Variants in ATP8A2 observed in about 807,000 individuals in gnomAD.
ATP8A2 encodes phospholipid-transporting ATPase IB.
In ATP8A2, 100 loss-of-function variants were observed where a neutral mutation model predicts 165.6. The ratio of observed to expected loss-of-function variants is 0.60; its 90% CI spans 0.51 to 0.71. The LOEUF (loss-of-function observed/expected upper bound fraction) is 0.71. ATP8A2 is among the 30% of genes least tolerant of loss of function. The probability of loss-of-function intolerance (pLI) is 0.00; values close to 1 mark genes in which losing one functional copy is unlikely to be tolerated. For synonymous variants in ATP8A2, 543 were observed against 548.8 expected (o/e 0.99, Z 0.15); for missense variants, 1,227 against 1,479.5 (o/e 0.83, Z 2.80).
At chr13:25,903,704 C>T (rs1953838931) in intron 33 of ATP8A2, among the ~76,000 whole-genome samples, 1 of 152,216 alleles carries the variant, frequency 6.6e-6, no homozygotes, top group South Asian at 2.1e-4. Context: ...GCCCTCAGCC[C>T]TCTCGAGGGG....
At chr13:25,482,896 T>G (rs577912343) in intron 2 of ATP8A2, among the ~76,000 whole-genome samples, 1 of 152,336 alleles carries the variant, frequency 6.6e-6, no homozygotes, top group Non-Finnish European at 1.5e-5. Context: ...TAATTCCAAT[T>G]AAACCTCTTT....
At chr13:25,695,237 G>A (rs1169952619) in intron 24 of ATP8A2, among the ~76,000 whole-genome samples, 1 of 151,704 alleles carries the variant, frequency 6.6e-6, no homozygotes, top group Non-Finnish European at 1.5e-5. Flanking sequence ...CCCAATGTGT[G>A]TGCCTTAATT....
At position 25,581,886 on chromosome 13, in the gene ATP8A2, C is replaced by A. The variant is rs1240852879; in HGVS notation, c.2075C>A (p.Ala692Glu). 5 of 1,613,848 alleles carry A rather than the reference C, an allele frequency of 3.1e-6. No homozygotes were observed. Among genetic ancestry groups the A allele is most frequent in the Non-Finnish European group, 4.2e-6 (5 of 1,179,800 alleles). ...RLQAGVPETI[A>E]TLLKAEIKIW... ...CAAGCAGGAGTTCCAGAAACCATCG[C>A]AACACTGTTGAAGGCAGAAATTAAA... The change falls in exon 23 of 37, where the codon GCA becomes GAA. Residue 692 changes from alanine (A) to glutamate (E), a missense_variant. By Grantham distance (107) the Ala-to-Glu change is moderately radical. Transcript: ENST00000381655.
At chr13:25,724,962 C>T (rs1407704429) in intron 25 of ATP8A2, among the ~76,000 whole-genome samples, 1 of 152,170 alleles carries the variant, frequency 6.6e-6, no homozygotes, top group Admixed American at 6.5e-5. Flanking sequence ...GATTGAAATA[C>T]TATGTGTCAG....
intron 35 of ATP8A2, among the ~76,000 whole-genome samples, chr13:26,004,271 T>G (rs1956696857): frequency 6.6e-6 from 1 of 152,086 alleles, no homozygotes; most frequent in African/African-American, 2.4e-5. Flanking sequence ...GTTGTTGTTG[T>G]GCTTGTAAAT....
chr13:25,887,627 C>T lies in ATP8A2; in HGVS notation c.3183+25219C>T, dbSNP rs538124655. ...TTGGGATTACAGGCGTGAGCCACAGCGCCAGGCCCCTCAGTCCAACTTTTA... is the reference window on the plus strand; with the variant it reads ...TTGGGATTACAGGCGTGAGCCACAGTGCCAGGCCCCTCAGTCCAACTTTTA... On this transcript the variant is annotated intron_variant, in intron 33 of 36. Transcript: ENST00000381655. Among the ~76,000 whole-genome samples, 16 of 152,266 alleles carry T rather than the reference C, an allele frequency of 1.1e-4. No individual in the cohort carries two copies. The South Asian group carries it at 1.9e-3, about 18-fold the overall frequency.
chr13:25,791,310 C>T (rs1288593955), intron 27 of ATP8A2, among the ~76,000 whole-genome samples: 2 of 152,082 alleles, frequency 1.3e-5, no homozygotes, highest in Non-Finnish European at 2.9e-5. Flanking sequence ...CACATGTTCT[C>T]AGTTAGCAGG....
At chr13:25,555,211 T>C (rs1431578953) in intron 13 of ATP8A2, 143 bp downstream of exon 13, 1 of 599,480 alleles carries the variant, frequency 1.7e-6, no homozygotes, top group East Asian at 2.8e-5. Flanking sequence ...ATAATACTTT[T>C]GAATGTGCCA....
intron 24 of ATP8A2, among the ~76,000 whole-genome samples, chr13:25,675,475 A>G (rs1000804341): frequency 6.6e-6 from 1 of 152,242 alleles, no homozygotes. Context: ...AAATACCTCC[A>G]GTTGTTTTCA....
Position 25,961,599 on chromosome 13 carries a change from C to A in ATP8A2, c.3208C>A (p.His1070Asn). 1 of 1,614,054 alleles carries A rather than the reference C, an allele frequency of 6.2e-7. No individual in the cohort carries two copies. Among genetic ancestry groups the A allele is most frequent in the East Asian group, 2.2e-5 (1 of 44,890 alleles). Residue 1070 changes from histidine to asparagine, a missense_variant, in exon 34 of 37, where the codon CAC (histidine) becomes AAC (asparagine). This residue lies in a region of ATP8A2 where 260 missense variants were observed against 245.1 expected (regional missense o/e 1.06). Transcript: ENST00000381655. Reference sequence around the variant, plus strand: ...GGCAACTATGGTCCTGAGCTCCGCACACTTCTGGTTGGGATTATTTCTGGT... The same window carrying A: ...GGCAACTATGGTCCTGAGCTCCGCAAACTTCTGGTTGGGATTATTTCTGGT... ...GQATMVLSSA[H>N]FWLGLFLVPT...
intron 30 of ATP8A2, among the ~76,000 whole-genome samples, chr13:25,844,006 T>C (rs574683347): frequency 6.6e-6 from 1 of 152,104 alleles, no homozygotes; most frequent in Non-Finnish European, 1.5e-5. Flanking sequence ...GAGAAACACA[T>C]AGGATCTGGC....
intron 30 of ATP8A2, among the ~76,000 whole-genome samples, chr13:25,850,146 G>C (rs9581466): frequency 6.6e-6 from 1 of 151,996 alleles, no homozygotes; most frequent in Non-Finnish European, 1.5e-5. Context: ...GTCTAGTTCC[G>C]GTAAATGCCA....
chr13:25,680,227 A>G (rs984019594), intron 24 of ATP8A2, among the ~76,000 whole-genome samples: 2 of 152,170 alleles, frequency 1.3e-5, no homozygotes, highest in African/African-American at 4.8e-5. Flanking sequence ...AGTTAAGATG[A>G]GTTCATAAGT....
intron 23 of ATP8A2, among the ~76,000 whole-genome samples, chr13:25,589,343 T>C (rs1270081464): frequency 2.0e-5 from 3 of 152,174 alleles, no homozygotes; most frequent in Non-Finnish European, 4.4e-5. Context: ...ACTGTTACTT[T>C]AGACGATCCA....
intron 35 of ATP8A2, among the ~76,000 whole-genome samples, chr13:25,980,545 C>G (rs1251232045): frequency 2.6e-5 from 4 of 152,128 alleles, no homozygotes; most frequent in African/African-American, 9.7e-5. Context: ...GGAGCCAGAT[C>G]ACACAGGCCT....
chr13:25,527,784 T>C (rs2037888785), intron 2 of ATP8A2, among the ~76,000 whole-genome samples: 1 of 152,180 alleles, frequency 6.6e-6, no homozygotes, highest in South Asian at 2.1e-4. Context: ...TGTAGGTCCT[T>C]AAGCACAGTC....
At chr13:25,521,363 G>A (rs1239317795) in intron 2 of ATP8A2, among the ~76,000 whole-genome samples, 3 of 152,096 alleles carry the variant, frequency 2.0e-5, no homozygotes, top group Non-Finnish European at 4.4e-5. Context: ...TCATTCTGCA[G>A]GAGGTTTTTA....
intron 28 of ATP8A2, among the ~76,000 whole-genome samples, chr13:25,833,607 G>A (rs1439370719): frequency 2.0e-5 from 3 of 152,104 alleles, no homozygotes; most frequent in Admixed American, 1.3e-4. Context: ...AGTGGGGAAA[G>A]TTTGGCCTCA....
At chr13:25,589,828 G>GTTTATA in intron 24 of ATP8A2, 129 bp downstream of exon 24, 1 of 570,192 alleles carries the variant, frequency 1.8e-6, no homozygotes, top group Non-Finnish European at 3.1e-6. Flanking sequence ...TTTATTTTCT[G>GTTTATA]TTTATATTTA....
Sources: gnomAD v4.1 joint callset for allele counts (sites outside exome capture counted in the v4.1 genomes callset) on GRCh38, gnomAD v4.1.1 for gene constraint, gnomAD v4.1.1 regional missense constraint, MANE v1.5 for transcripts, NCBI Gene and HGNC (gene_info 2026-07-23, HGNC 2026-07-21) for gene names.